Variants in NEGR1 observed in about 807,000 individuals in gnomAD.
NEGR1 encodes IgLON family member 4.
Under a neutral mutation model 40.9 loss-of-function variants are expected in NEGR1, and 10 were observed. That is an observed-to-expected ratio of 0.24 (90% CI 0.15 to 0.42). NEGR1 has a LOEUF of 0.42. Among genes scored for constraint, NEGR1 ranks in the 10% least tolerant of loss-of-function variants. NEGR1 has a pLI of 1.00. For missense variants in NEGR1, 352 were observed against 438.9 expected, an observed-to-expected ratio of 0.80 and a Z score of 1.77; for synonymous variants, 185 against 166.8, an observed-to-expected ratio of 1.11 and a Z score of -0.84.
intron 3 of NEGR1, among the ~76,000 whole-genome samples, chr1:71,751,679 C>A (rs185454457): frequency 6.6e-6 from 1 of 152,004 alleles, no homozygotes; most frequent in East Asian, 1.9e-4. Flanking sequence ...AGCCCACAGG[C>A]CTCCCAGGCA....
intron 3 of NEGR1, among the ~76,000 whole-genome samples, chr1:71,728,655 C>T (rs990987319): frequency 3.3e-5 from 5 of 152,134 alleles, no homozygotes; most frequent in African/African-American, 1.2e-4. Context: ...AGACAATTTT[C>T]ATAAGCTCTC....
intron 6 of NEGR1, among the ~76,000 whole-genome samples, chr1:71,574,613 A>G (rs1219480654): frequency 6.6e-6 from 1 of 152,180 alleles, no homozygotes; most frequent in Non-Finnish European, 1.5e-5. Flanking sequence ...GAGTTTATAG[A>G]TAATTAGTGA....
intron 1 of NEGR1, among the ~76,000 whole-genome samples, chr1:72,109,863 G>T (rs1649284369): frequency 6.6e-6 from 1 of 151,608 alleles, no homozygotes. Context: ...TTAAAAGGCT[G>T]CATATATCAT....
chr1:71,427,864 G>C (rs1445744003), intron 6 of NEGR1, among the ~76,000 whole-genome samples: 7 of 152,166 alleles, frequency 4.6e-5, no homozygotes, highest in Admixed American at 4.6e-4. Context: ...GGCAGTGAAT[G>C]CTGAACTTAC....
chr1:71,968,926 T>G (rs1646233455), intron 1 of NEGR1, among the ~76,000 whole-genome samples: 1 of 152,174 alleles, frequency 6.6e-6, no homozygotes, highest in African/African-American at 2.4e-5. Flanking sequence ...GAATGTGGCT[T>G]CCTGGTAAAA....
chr1:71,908,571 A>G (rs1468734839), intron 2 of NEGR1, among the ~76,000 whole-genome samples: 2 of 152,160 alleles, frequency 1.3e-5, no homozygotes, highest in Non-Finnish European at 2.9e-5. Context: ...AGGCTCTGAG[A>G]GGTCCTCCAA....
intron 1 of NEGR1, among the ~76,000 whole-genome samples, chr1:71,976,541 C>T (rs1347342561): frequency 6.6e-6 from 1 of 152,132 alleles, no homozygotes; most frequent in Non-Finnish European, 1.5e-5. Context: ...TGGCTCCCGG[C>T]TATAGGAGCT....
chr1:71,840,697 A>G (rs895251259), intron 2 of NEGR1, among the ~76,000 whole-genome samples: 4 of 152,186 alleles, frequency 2.6e-5, no homozygotes, highest in African/African-American at 9.6e-5. Context: ...TTGTGCCACA[A>G]CAAAACCTGT....
intron 2 of NEGR1, among the ~76,000 whole-genome samples, chr1:71,850,398 C>A (rs1659565092): frequency 6.6e-6 from 1 of 152,008 alleles, no homozygotes; most frequent in Non-Finnish European, 1.5e-5. Context: ...TCAAGCAATC[C>A]TCCCTCCTCA....
intron 1 of NEGR1, among the ~76,000 whole-genome samples, chr1:72,091,406 CCCTTCCTT>C (rs1197807576): frequency 7.5e-6 from 1 of 133,284 alleles, no homozygotes; most frequent in Non-Finnish European, 1.6e-5. Context: ...CTCCCTTCCT[CCCTTCCTT>C]CTCTCCTTCC....
chr1:71,747,830 A>AC (rs1355425448), intron 3 of NEGR1, among the ~76,000 whole-genome samples: 2 of 42,316 alleles, frequency 4.7e-5, no homozygotes, highest in Non-Finnish European at 1.4e-4. Flanking sequence ...CCCATCCTTC[A>AC]CCTTTTTTTT....
intron 1 of NEGR1, among the ~76,000 whole-genome samples, chr1:72,026,155 A>C (rs1245623704): frequency 6.7e-6 from 1 of 150,330 alleles, no homozygotes; most frequent in Admixed American, 6.6e-5. Context: ...GACATAATTA[A>C]AGCAGATGGC....
intron 2 of NEGR1, among the ~76,000 whole-genome samples, chr1:71,852,007 G>T (rs1659619172): frequency 6.6e-6 from 1 of 152,086 alleles, no homozygotes. Context: ...AGTATAAAGG[G>T]CACAGACTTT....
At chr1:71,767,685 C>T (rs1490196546) in intron 3 of NEGR1, among the ~76,000 whole-genome samples, 1 of 152,176 alleles carries the variant, frequency 6.6e-6, no homozygotes. Context: ...AAGGTAAAGG[C>T]TGATAGAAAA....
intron 6 of NEGR1, among the ~76,000 whole-genome samples, chr1:71,503,268 C>T (rs953815459): frequency 6.6e-5 from 10 of 152,144 alleles, no homozygotes; most frequent in African/African-American, 2.2e-4. Flanking sequence ...AATAAAATCC[C>T]ATCCTCATAG....
At chr1:72,070,466 T>A (rs939004890) in intron 1 of NEGR1, among the ~76,000 whole-genome samples, 1 of 152,034 alleles carries the variant, frequency 6.6e-6, no homozygotes, top group Non-Finnish European at 1.5e-5. Flanking sequence ...AATACTATAA[T>A]TTCCCATGTT....
At chr1:71,806,499 A>T (rs1410530469) in intron 2 of NEGR1, among the ~76,000 whole-genome samples, 1 of 148,552 alleles carries the variant, frequency 6.7e-6, no homozygotes, top group African/African-American at 2.6e-5. Context: ...CCTACCCACT[A>T]TTGTAAAAAA....
chr1:72,127,505 T>G (rs1484022919), intron 1 of NEGR1, among the ~76,000 whole-genome samples: 1 of 147,184 alleles, frequency 6.8e-6, no homozygotes, highest in Non-Finnish European at 1.5e-5. Flanking sequence ...GAATTGCAAT[T>G]TGTTATATAA....
At chr1:71,755,807 A>T (rs983239111) in intron 3 of NEGR1, among the ~76,000 whole-genome samples, 1 of 152,166 alleles carries the variant, frequency 6.6e-6, no homozygotes, top group Non-Finnish European at 1.5e-5. Context: ...TGATGGTGGT[A>T]GCTATAATTT....
Sources: gnomAD v4.1 joint callset for allele counts (sites outside exome capture counted in the v4.1 genomes callset) on GRCh38, gnomAD v4.1.1 for gene constraint, MANE v1.5 for transcripts, NCBI Gene and HGNC (gene_info 2026-07-23, HGNC 2026-07-21) for gene names.